PDZRN4: variants seen among roughly 807,000 people sequenced by gnomAD.
PDZRN4 encodes PDZ domain containing ring finger 4.
In PDZRN4, 70 loss-of-function variants were observed where a neutral mutation model predicts 99.0. That is an observed-to-expected ratio of 0.71 (90% CI 0.58 to 0.86). The LOEUF (loss-of-function observed/expected upper bound fraction) is 0.86. PDZRN4 is among the 40% of genes least tolerant of loss of function. The pLI, the probability that PDZRN4 is intolerant of heterozygous loss-of-function variation, is 0.00. For synonymous variants in PDZRN4, 551 were observed against 501.6 expected (o/e 1.10, Z -1.32); for missense variants, 1,474 against 1,331.2 (o/e 1.11, Z -1.67).
rs147910134 is a variant in PDZRN4 at position 41,571,376 on chromosome 12, TCACACACA to T, written c.1585-964_1585-957del. 2.4e-3 allele frequency among the ~76,000 whole-genome samples: 160 copies of T among 65,556 alleles called. 3 individuals carry two copies. The highest frequency in any genetic ancestry group is 0.017 in the East Asian group (34 of 2,032). 43.0% of individuals were successfully genotyped at this position (65,556 alleles called of 152,430 possible). On this transcript the variant is annotated intron_variant, in intron 9 of 9. Coordinates refer to ENST00000402685, the MANE Select transcript of PDZRN4 (RefSeq NM_001164595.2). Reference sequence around the variant, plus strand: ...CTCTCTCTCTCTCTCTCTCTCTCTCTCACACACACACACACACACACACACACACACTA... The same window carrying T: ...CTCTCTCTCTCTCTCTCTCTCTCTCTCACACACACACACACACACACACTA...
intron 3 of PDZRN4, among the ~76,000 whole-genome samples, chr12:41,455,101 G>C (rs1197834929): frequency 6.6e-6 from 1 of 152,172 alleles, no homozygotes; most frequent in Non-Finnish European, 1.5e-5. Context: ...TTAAAACCTT[G>C]AAGTCTACAG....
chr12:41,556,476 G>C (rs1024775458), intron 7 of PDZRN4, among the ~76,000 whole-genome samples: 4 of 152,186 alleles, frequency 2.6e-5, no homozygotes, highest in African/African-American at 4.8e-5. Context: ...AATACTATAG[G>C]TAATTGTGAC....
At chr12:41,207,087 A>T (rs1950856021) in intron 3 of PDZRN4, among the ~76,000 whole-genome samples, 1 of 151,968 alleles carries the variant, frequency 6.6e-6, no homozygotes, top group South Asian at 2.1e-4. Context: ...ATTCTTTTCA[A>T]CAGATAAGGA....
chr12:41,302,278 A>G (rs1486807622), intron 3 of PDZRN4, among the ~76,000 whole-genome samples: 1 of 152,048 alleles, frequency 6.6e-6, no homozygotes, highest in Non-Finnish European at 1.5e-5. Context: ...CTACATTATT[A>G]TATATTTTAT....
intron 3 of PDZRN4, among the ~76,000 whole-genome samples, chr12:41,325,614 G>A (rs1376347199): frequency 6.6e-6 from 1 of 152,116 alleles, no homozygotes; most frequent in East Asian, 1.9e-4. Context: ...TCAGCTACGG[G>A]TTAGTTAAGA....
intron 3 of PDZRN4, among the ~76,000 whole-genome samples, chr12:41,306,548 T>G (rs1951570797): frequency 6.6e-6 from 1 of 152,210 alleles, no homozygotes; most frequent in Admixed American, 6.5e-5. Flanking sequence ...ACAACTCTAC[T>G]AATCTTTGTA....
chr12:41,572,626 G>T lies in PDZRN4; in HGVS notation c.1847G>T (p.Cys616Phe). 6.2e-7 allele frequency: 1 copy of T among 1,614,164 alleles called. No individual in the cohort carries two copies. Among genetic ancestry groups the T allele is most frequent in the South Asian group, 1.1e-5 (1 of 91,082 alleles). The change falls in exon 10 of 10, where the codon TGC becomes TTC. Residue 616 changes from cysteine to phenylalanine, a missense_variant. Physicochemically the swap from Cys to Phe is radical, Grantham distance 205. Coordinates refer to ENST00000402685, the MANE Select transcript of PDZRN4 (RefSeq NM_001164595.2). ...TCTGGTGAATACATTGACTCAGACT[G>T]CATTGGCAACCCAGATGAGGACTGT... ...LVSGEYIDSD[C>F]IGNPDEDCER...
chr12:41,295,365 C>T (rs1428819933), intron 3 of PDZRN4, among the ~76,000 whole-genome samples: 1 of 151,672 alleles, frequency 6.6e-6, no homozygotes, highest in Non-Finnish European at 1.5e-5. Context: ...AAATGTAAAA[C>T]AAAGAAAATA....
chr12:41,289,363 G>A (rs1365930177), intron 3 of PDZRN4, among the ~76,000 whole-genome samples: 1 of 152,122 alleles, frequency 6.6e-6, no homozygotes, highest in Non-Finnish European at 1.5e-5. Context: ...TAATCCACTG[G>A]TGTATTAACC....
intron 3 of PDZRN4, among the ~76,000 whole-genome samples, chr12:41,444,247 C>T (rs1161650548): frequency 6.6e-6 from 1 of 152,080 alleles, no homozygotes; most frequent in Non-Finnish European, 1.5e-5. Context: ...TCCACTTTAA[C>T]GGTCTTAGCT....
chr12:41,566,691 G>A (rs1592116083), intron 8 of PDZRN4, among the ~76,000 whole-genome samples: 1 of 152,138 alleles, frequency 6.6e-6, no homozygotes, highest in African/African-American at 2.4e-5. Context: ...GCAGCTGAAT[G>A]TCCTTTCCAG....
intron 3 of PDZRN4, among the ~76,000 whole-genome samples, chr12:41,502,726 TC>T (rs959563289): frequency 6.6e-6 from 1 of 151,746 alleles, no homozygotes; most frequent in African/African-American, 2.4e-5. Flanking sequence ...CTATATGTCA[TC>T]CGTACAAGAC....
intron 3 of PDZRN4, among the ~76,000 whole-genome samples, chr12:41,435,544 C>A (rs1007320771): frequency 6.6e-6 from 1 of 152,128 alleles, no homozygotes; most frequent in South Asian, 2.1e-4. Flanking sequence ...ATCCCAGCAC[C>A]TTGGGAGGCC....
At chr12:41,470,010 A>G (rs568850819) in intron 3 of PDZRN4, among the ~76,000 whole-genome samples, 1 of 152,332 alleles carries the variant, frequency 6.6e-6, no homozygotes, top group East Asian at 1.9e-4. Context: ...AAGAGCTCAG[A>G]GTGAGGTCTT....
At chr12:41,570,131 C>T (rs966423147) in intron 9 of PDZRN4, among the ~76,000 whole-genome samples, 1 of 151,978 alleles carries the variant, frequency 6.6e-6, no homozygotes, top group Non-Finnish European at 1.5e-5. Flanking sequence ...TGTTAGGTCT[C>T]GTGAGGTAAC....
chr12:41,358,271 A>G (rs1425808916), intron 3 of PDZRN4, among the ~76,000 whole-genome samples: 2 of 152,002 alleles, frequency 1.3e-5, no homozygotes, highest in South Asian at 2.1e-4. Context: ...GTATGCTGAA[A>G]TGAAGAATTA....
At chr12:41,250,856 C>T (rs1448973079) in intron 3 of PDZRN4, among the ~76,000 whole-genome samples, 2 of 152,092 alleles carry the variant, frequency 1.3e-5, no homozygotes, top group African/African-American at 4.8e-5. Flanking sequence ...GTTTGTCAAC[C>T]CTCCAGAAAT....
intron 9 of PDZRN4, among the ~76,000 whole-genome samples, chr12:41,570,185 T>G (rs1470437678): frequency 6.6e-6 from 1 of 152,196 alleles, no homozygotes; most frequent in Admixed American, 6.5e-5. Flanking sequence ...TGGAATTTTT[T>G]TCTTCACCAT....
intron 3 of PDZRN4, among the ~76,000 whole-genome samples, chr12:41,447,895 A>T (rs1322445774): frequency 3.2e-5 from 4 of 124,428 alleles, no homozygotes; most frequent in Non-Finnish European, 7.5e-5. Flanking sequence ...TCATAAAGAA[A>T]AAAATGGAAG....
Sources: allele counts gnomAD v4.1 joint callset (sites outside exome capture counted in the v4.1 genomes callset), GRCh38; gene constraint gnomAD v4.1.1; transcripts MANE v1.5; gene names NCBI Gene and HGNC (gene_info 2026-07-23, HGNC 2026-07-21).